MALRD1: variants seen among roughly 807,000 people sequenced by gnomAD.
MALRD1 encodes the protein MAM and LDL-receptor class A domain-containing protein 1.
A neutral mutation model predicts 242.1 loss-of-function variants in MALRD1; 247 were observed. The observed-to-expected ratio is 1.02, with a 90% CI of 0.92 to 1.13. MALRD1 has a LOEUF of 1.13. MALRD1 is among the 50% of genes most tolerant of loss of function. MALRD1 has a pLI of 0.00. For missense variants in MALRD1, 2,989 were observed against 2,533.1 expected, an observed-to-expected ratio of 1.18 and a Z score of -3.86; for synonymous variants, 995 against 866.6, an observed-to-expected ratio of 1.15 and a Z score of -2.60.
chr10:19,597,236 T>C (rs546248118), intron 34 of MALRD1, among the ~76,000 whole-genome samples: 112 of 152,300 alleles, frequency 7.4e-4, no homozygotes, highest in Non-Finnish European at 1.4e-3. Flanking sequence ...CCTGTTCCCA[T>C]CAGAGCTCTA....
chr10:19,715,141 C>T (rs550437012), intron 38 of MALRD1, among the ~76,000 whole-genome samples: 4 of 152,024 alleles, frequency 2.6e-5, no homozygotes, highest in African/African-American at 7.2e-5. Flanking sequence ...GAAATTGCTA[C>T]GAAATTTATT....
At chr10:19,119,432 G>A (rs1390729263) in intron 5 of MALRD1, among the ~76,000 whole-genome samples, 1 of 152,136 alleles carries the variant, frequency 6.6e-6, no homozygotes, top group South Asian at 2.1e-4. Context: ...GAGCATTCAG[G>A]GATCAGAGTT....
intron 28 of MALRD1, among the ~76,000 whole-genome samples, chr10:19,395,290 A>C (rs1365981872): frequency 6.6e-6 from 1 of 152,188 alleles, no homozygotes; most frequent in Non-Finnish European, 1.5e-5. Context: ...ACATGTGCCC[A>C]AGGTGGTCCG....
intron 36 of MALRD1, among the ~76,000 whole-genome samples, chr10:19,621,285 G>A (rs73595869): frequency 2.3e-3 from 336 of 146,542 alleles, no homozygotes; most frequent in African/African-American, 7.9e-3. Context: ...TATAATTGGG[G>A]ATATTTGAAA....
chr10:19,304,028 C>A (rs898820395), intron 21 of MALRD1, among the ~76,000 whole-genome samples: 2 of 151,608 alleles, frequency 1.3e-5, no homozygotes, highest in African/African-American at 4.8e-5. Flanking sequence ...GGTAGCTGGT[C>A]AAGTGTTATG....
Position 19,692,371 on chromosome 10 carries a change from A to G in MALRD1, c.6217+10A>G, listed in dbSNP as rs1344217357. The G allele has an allele frequency of 2.0e-6, 3 of 1,533,826 alleles. No homozygotes were observed. Among genetic ancestry groups the G allele is most frequent in the Non-Finnish European group, 2.6e-6 (3 of 1,145,152 alleles). ...ACATACGCTCAGAATAGTAGGTGAC[A>G]TTATGACTAAATAAATGGCTTGGTT... On this transcript the variant is annotated intron_variant, in intron 37 of 39. Coordinates refer to ENST00000454679, the MANE Select transcript of MALRD1 (RefSeq NM_001142308.3).
At chr10:19,629,729 G>C (rs1402417839) in intron 36 of MALRD1, among the ~76,000 whole-genome samples, 1 of 152,100 alleles carries the variant, frequency 6.6e-6, no homozygotes, top group East Asian at 1.9e-4. Context: ...GAGCTTCTAA[G>C]AATGCTGACA....
chr10:19,396,141 C>CTTTTTTTTTTTTTT (rs71387076), intron 28 of MALRD1, among the ~76,000 whole-genome samples: 1 of 103,942 alleles, frequency 9.6e-6, no homozygotes, highest in Non-Finnish European at 2.0e-5. Context: ...TTTTTTTTTT[C>CTTTTTTTTTTTTTT]TTTTTTTTTT....
At chr10:19,464,663 CT>C (rs1433082267) in intron 29 of MALRD1, among the ~76,000 whole-genome samples, 1 of 152,038 alleles carries the variant, frequency 6.6e-6, no homozygotes, top group Non-Finnish European at 1.5e-5. Flanking sequence ...CAGATTTGTT[CT>C]TTTTGGTTAG....
At chr10:19,517,162 A>C (rs1466050739) in intron 31 of MALRD1, among the ~76,000 whole-genome samples, 2 of 152,170 alleles carry the variant, frequency 1.3e-5, no homozygotes, top group Non-Finnish European at 2.9e-5. Flanking sequence ...AAGACTGTAG[A>C]CTTTTGGGGG....
chr10:19,547,483 G>C (rs1398815001), intron 32 of MALRD1, among the ~76,000 whole-genome samples: 2 of 151,562 alleles, frequency 1.3e-5, no homozygotes, highest in Non-Finnish European at 2.9e-5. Context: ...AAAAAAATCT[G>C]AAAAACCTAA....
intron 32 of MALRD1, among the ~76,000 whole-genome samples, chr10:19,557,394 C>T (rs1210912548): frequency 2.0e-5 from 3 of 152,056 alleles, no homozygotes; most frequent in Admixed American, 1.3e-4. Flanking sequence ...CCTATGTTAT[C>T]TTCTACAAGT....
At chr10:19,284,209 T>C (rs1245606333) in intron 21 of MALRD1, among the ~76,000 whole-genome samples, 1 of 152,162 alleles carries the variant, frequency 6.6e-6, no homozygotes, top group Non-Finnish European at 1.5e-5. Context: ...TGCATGAATA[T>C]TTTCTAGTGT....
chr10:19,272,455 A>G (rs1463758372), intron 19 of MALRD1, among the ~76,000 whole-genome samples: 1 of 152,210 alleles, frequency 6.6e-6, no homozygotes, highest in African/African-American at 2.4e-5. Context: ...TATAAGCCAG[A>G]GCAAAATACC....
chr10:19,314,164 A>C (rs1842541532), intron 21 of MALRD1, among the ~76,000 whole-genome samples: 1 of 151,564 alleles, frequency 6.6e-6, no homozygotes, highest in Non-Finnish European at 1.5e-5. Flanking sequence ...AAGAAGTTAA[A>C]AATGTGTGCA....
intron 10 of MALRD1, among the ~76,000 whole-genome samples, chr10:19,137,054 G>A (rs2131414532): frequency 6.6e-6 from 1 of 152,296 alleles, no homozygotes; most frequent in South Asian, 2.1e-4. Context: ...GCGAATGTGT[G>A]TGCTTTGATT....
intron 31 of MALRD1, among the ~76,000 whole-genome samples, chr10:19,524,560 G>T (rs1403805696): frequency 6.6e-6 from 1 of 152,098 alleles, no homozygotes; most frequent in Non-Finnish European, 1.5e-5. Flanking sequence ...ATAGTCATTA[G>T]ACACCCTTCT....
chr10:19,228,277 T>C (rs1257617231), intron 18 of MALRD1, among the ~76,000 whole-genome samples: 1 of 152,070 alleles, frequency 6.6e-6, no homozygotes, highest in African/African-American at 2.4e-5. Context: ...TTATGCTCAG[T>C]GAAAGAAGCT....
chr10:19,727,332 A>G lies in MALRD1; in HGVS notation c.6315-3374A>G, dbSNP rs1589450127. On this transcript the variant is annotated intron_variant, in intron 38 of 39. Coordinates refer to ENST00000454679, the MANE Select transcript of MALRD1 (RefSeq NM_001142308.3). ...CCATTTGTAATAGTTTCAGACTATTATAAACACTTCCATGCTTTTATCAAC... is the reference window on the plus strand; with the variant it reads ...CCATTTGTAATAGTTTCAGACTATTGTAAACACTTCCATGCTTTTATCAAC... Among the ~76,000 whole-genome samples, 5 of 152,148 alleles carry G rather than the reference A, an allele frequency of 3.3e-5. No individual in the cohort carries two copies. In the South Asian group the frequency reaches 8.3e-4, roughly 25 times the overall value.
Sources: gnomAD v4.1 joint callset for allele counts (sites outside exome capture counted in the v4.1 genomes callset) on GRCh38, gnomAD v4.1.1 for gene constraint, MANE v1.5 for transcripts, NCBI Gene and HGNC (gene_info 2026-07-23, HGNC 2026-07-21) for gene names.